Variants in PPAT observed in about 807,000 individuals in gnomAD.
The protein encoded by PPAT is phosphoribosyl pyrophosphate amidotransferase, also known as amidophosphoribosyltransferase.
In PPAT, 20 loss-of-function variants were observed where a neutral mutation model predicts 60.2. That is an observed-to-expected ratio of 0.33 (90% confidence interval 0.23 to 0.48). PPAT has a LOEUF of 0.48. Ranked by LOEUF, PPAT falls within the 20% of genes least tolerant of loss-of-function variation. PPAT has a pLI of 0.99. For synonymous variants in PPAT, 194 were observed against 215.1 expected (o/e 0.90, Z 0.86); for missense variants, 349 against 629.6 (o/e 0.55, Z 4.77).
chr4:56,414,793 T>A (rs1716637336), intron 1 of PPAT, among the ~76,000 whole-genome samples: 1 of 152,236 alleles, frequency 6.6e-6, no homozygotes, highest in Non-Finnish European at 1.5e-5. Flanking sequence ...TTAAATAACC[T>A]GGGCCCTGTT....
At chr4:56,416,527 C>G (rs1716760419) in intron 1 of PPAT, 1 of 160,698 alleles carries the variant, frequency 6.2e-6, no homozygotes, top group African/African-American at 2.4e-5. Context: ...ACAATTTTTC[C>G]TGGAAGAAAC....
chr4:56,416,811 G>A (rs1044883939), intron 1 of PPAT, among the ~76,000 whole-genome samples: 12 of 152,070 alleles, frequency 7.9e-5, no homozygotes, highest in Non-Finnish European at 1.6e-4. Context: ...AGGATAATTT[G>A]AATCACCCAA....
chr4:56,419,820 A>G (rs1716949540), intron 1 of PPAT: 1 of 984,152 alleles, frequency 1.0e-6, no homozygotes, highest in South Asian at 4.7e-5. Context: ...GAAATTTGGA[A>G]TAGACAGAGA....
In PPAT at chr4:56,403,109, G is replaced by T; in HGVS notation, c.592C>A (p.Arg198=). 6.2e-7 allele frequency: 1 copy of T among 1,612,360 alleles called. No individual in the cohort carries two copies. Among genetic ancestry groups the T allele is most frequent in the Non-Finnish European group, 8.5e-7 (1 of 1,178,628 alleles). ...AAGGGACGATTTCCATAAGGATCTC[G>T]TACTGCATAAATAACATCTCTGTGC... is the stretch of plus-strand genomic sequence containing the variant. ...IMHRDVIYAV[R]DPYGNRPLCI... is the part of the protein sequence containing the mutation. The change falls in exon 5 of 11, where the codon CGA becomes AGA. Residue 198 remains arginine, a synonymous_variant. Transcript: ENST00000264220.
rs539980601 is a variant in PPAT, at chr4:56,415,246, AATGAG to A, written c.129-7535_129-7531del. Among the ~76,000 whole-genome samples the A allele has an allele frequency of 1.9e-3, 292 of 152,340 alleles. 1 individual carries two copies. The highest frequency in any genetic ancestry group is 6.6e-3 in the African/African-American group (276 of 41,584). On this transcript the variant is annotated intron_variant, in intron 1 of 10. Transcript: ENST00000264220. Reference sequence around the variant, plus strand: ...AAAAACATTTGGCAATGAAATGATTAATGAGATGAGTAAATTTTTAATTGAGACAT... The same window carrying A: ...AAAAACATTTGGCAATGAAATGATTAATGAGTAAATTTTTAATTGAGACAT...
intron 9 of PPAT, among the ~76,000 whole-genome samples, chr4:56,397,727 T>C (rs1716009722): frequency 6.6e-6 from 1 of 151,914 alleles, no homozygotes; most frequent in Non-Finnish European, 1.5e-5. Flanking sequence ...AAAATAAAAA[T>C]TAAAAAAAAA....
chr4:56,406,560 G>C lies in PPAT; in HGVS notation c.337C>G (p.Leu113Val), dbSNP rs1340141839. Residue 113 changes from leucine (L) to valine (V), a missense_variant, in exon 3 of 11, where the codon CTT becomes GTT. Physicochemically the swap from Leu to Val is conservative, Grantham distance 32 (BLOSUM62 1). Coordinates refer to ENST00000264220, the MANE Select transcript of PPAT (RefSeq NM_002703.5). ...TGTGCCACAGCTATCTTCCCATGAA[G>C]TGTTTCAACAACGAAGGGCTGACAA... Reference protein sequence around the residue: ...ENCQPFVVETLHGKIAVAHNG... With the variant: ...ENCQPFVVETVHGKIAVAHNG... The C allele has an allele frequency of 6.2e-7, 1 of 1,613,482 alleles. No homozygotes were observed. The highest frequency in any genetic ancestry group is 8.5e-7 in the Non-Finnish European group (1 of 1,179,976).
intron 1 of PPAT, among the ~76,000 whole-genome samples, chr4:56,415,017 T>C (rs1236560883): frequency 6.6e-6 from 1 of 152,238 alleles, no homozygotes; most frequent in African/African-American, 2.4e-5. Context: ...TTCATTTGTT[T>C]TCCTATTTTA....
Position 56,396,777 on chromosome 4 carries a change from T to A in PPAT, c.1237-38A>T, listed in dbSNP as rs760470295. The A allele has an allele frequency of 1.2e-5, 19 of 1,575,432 alleles. No homozygotes were observed. Among genetic ancestry groups the A allele is most frequent in the Non-Finnish European group, 2.6e-6 (3 of 1,162,558 alleles). On this transcript the variant is annotated intron_variant, in intron 9 of 10. Coordinates refer to ENST00000264220, the MANE Select transcript of PPAT (RefSeq NM_002703.5). This position sits in a 1 kb window ranked among gnomAD's most constrained non-coding sequence, Gnocchi z 4.6. ...TCATTGCACACAAGGTTTTTAAGACTATGCAAAATTCTTTCATTGTGCAAA... is the reference window on the plus strand; with the variant it reads ...TCATTGCACACAAGGTTTTTAAGACAATGCAAAATTCTTTCATTGTGCAAA...
chr4:56,425,741 G>A (rs992746318), intron 1 of PPAT, among the ~76,000 whole-genome samples: 12 of 152,148 alleles, frequency 7.9e-5, no homozygotes, highest in African/African-American at 2.2e-4. Flanking sequence ...GATGAGGGTT[G>A]GAGCTTTGTG....
chr4:56,415,899 G>A (rs897170102), intron 1 of PPAT, among the ~76,000 whole-genome samples: 11 of 152,002 alleles, frequency 7.2e-5, no homozygotes, highest in African/African-American at 2.7e-4. Flanking sequence ...GTGAAACCTC[G>A]TGTCTACTAA....
intron 1 of PPAT, 150 bp downstream of exon 1, chr4:56,435,200 G>A: frequency 1.7e-6 from 2 of 1,182,670 alleles, no homozygotes; most frequent in South Asian, 2.9e-5. Context: ...GCACGCCTAG[G>A]CAACCCGGTC....
rs754454024 is a variant in PPAT at position 56,406,544 on chromosome 4, G to A, written c.353C>T (p.Ala118Val). Reference protein sequence around the residue: ...FVVETLHGKIAVAHNGELVNA... With the variant: ...FVVETLHGKIVVAHNGELVNA... ...TACCAATTCGCCATTATGTGCCACA[G>A]CTATCTTCCCATGAAGTGTTTCAAC... Residue 118 changes from alanine to valine, a missense_variant, in exon 3 of 11, where the codon GCT (alanine) becomes GTT (valine). Transcript: ENST00000264220. 1 of 1,613,082 alleles carries A rather than the reference G, an allele frequency of 6.2e-7. No individual in the cohort carries two copies. Among genetic ancestry groups the A allele is most frequent in the South Asian group, 1.1e-5 (1 of 91,040 alleles).
rs746648214 is a variant in PPAT, at chr4:56,399,279, T to C, written c.1136A>G (p.Asn379Ser). The change falls in exon 9 of 11, where the codon AAC (asparagine) becomes AGC (serine). Residue 379 changes from asparagine to serine, a missense_variant. Physicochemically the swap from Asn to Ser is conservative, Grantham distance 46. This residue lies in a region of PPAT where 167 missense variants were observed against 328.6 expected (regional missense o/e 0.51). Coordinates refer to ENST00000264220, the MANE Select transcript of PPAT (RefSeq NM_002703.5). ...VAKKFGVLSD[N>S]FKGKRIVLVD... ...AAGAACAATTCTTTTGCCTTTAAAG[T>C]TGTCTGACAATACTCCAAATTTTTT... is the stretch of plus-strand genomic sequence containing the variant. The C allele has an allele frequency of 3.1e-6, 5 of 1,614,044 alleles. No homozygotes were observed. In the South Asian group the frequency reaches 5.5e-5, roughly 18 times the overall value.
At chr4:56,401,964 A>G in intron 6 of PPAT, 145 bp downstream of exon 6, 1 of 592,728 alleles carries the variant, frequency 1.7e-6, no homozygotes, top group Non-Finnish European at 2.9e-6. Context: ...GCTGAGCATA[A>G]CATGCATAAG....
chr4:56,424,353 C>T (rs1414628383), intron 1 of PPAT, among the ~76,000 whole-genome samples: 3 of 152,140 alleles, frequency 2.0e-5, no homozygotes, highest in South Asian at 2.1e-4. Flanking sequence ...TATTTTTAGA[C>T]GGTTCTCAAG....
intron 1 of PPAT, 102 bp downstream of exon 1, chr4:56,435,248 C>A: frequency 6.5e-7 from 1 of 1,534,948 alleles, no homozygotes; most frequent in Non-Finnish European, 8.8e-7. Context: ...TCGGAGAGGT[C>A]GGTCCTCCCG....
intron 1 of PPAT, among the ~76,000 whole-genome samples, chr4:56,426,325 C>T (rs1717284948): frequency 6.6e-6 from 1 of 152,056 alleles, no homozygotes; most frequent in African/African-American, 2.4e-5. Context: ...TCACTTGAAC[C>T]CAGGAGGCGG....
At chr4:56,410,500 C>G in intron 1 of PPAT, 1 of 985,462 alleles carries the variant, frequency 1.0e-6, no homozygotes. Context: ...TGAATCATTT[C>G]CAGGTCACTT....
Sources: allele counts gnomAD v4.1 joint callset (sites outside exome capture counted in the v4.1 genomes callset), GRCh38; gene constraint gnomAD v4.1.1; regional missense constraint gnomAD v4.1.1; non-coding constraint Gnocchi (gnomAD v3.1); transcripts MANE v1.5; gene names NCBI Gene and HGNC (gene_info 2026-07-23, HGNC 2026-07-21).